The following CFAP299 variants were observed in gnomAD, a reference collection of about 807,000 sequenced individuals.
CFAP299 encodes the protein cilia- and flagella-associated protein 299.
CFAP299 carries 21 observed loss-of-function variants against 27.0 expected under a neutral mutation model. The ratio of observed to expected loss-of-function variants is 0.78; its 90% confidence interval spans 0.55 to 1.12. The LOEUF is 1.12. Ranked by LOEUF, CFAP299 falls within the 50% of genes most tolerant of loss-of-function variation. CFAP299 has a pLI of 0.00. For missense variants in CFAP299, 310 were observed against 276.6 expected (o/e 1.12, Z -0.86); for synonymous variants, 104 against 98.1 (o/e 1.06, Z -0.36).
chr4:80,398,369 C>T (rs540280031), intron 2 of CFAP299, among the ~76,000 whole-genome samples: 6 of 152,196 alleles, frequency 3.9e-5, no homozygotes, highest in South Asian at 2.1e-4. Flanking sequence ...AAAAAGAGCC[C>T]GCATTGCCAA....
At chr4:80,929,129 A>G (rs1392954951) in intron 4 of CFAP299, among the ~76,000 whole-genome samples, 1 of 152,158 alleles carries the variant, frequency 6.6e-6, no homozygotes, top group Non-Finnish European at 1.5e-5. Context: ...AAGTGGTAGT[A>G]TCAGTTCCCA....
intron 3 of CFAP299, among the ~76,000 whole-genome samples, chr4:80,601,717 A>T (rs954563824): frequency 1.3e-5 from 2 of 152,146 alleles, no homozygotes; most frequent in Admixed American, 1.3e-4. Context: ...GATCCGGGTG[A>T]GATAAGCATG....
chr4:80,705,768 G>A (rs1439027014), intron 3 of CFAP299, among the ~76,000 whole-genome samples: 1 of 151,770 alleles, frequency 6.6e-6, no homozygotes, highest in Admixed American at 6.6e-5. Context: ...TCTAACAATT[G>A]GAGACTGATG....
intron 1 of CFAP299, among the ~76,000 whole-genome samples, chr4:80,337,636 G>C (rs1390199738): frequency 6.6e-6 from 1 of 152,050 alleles, no homozygotes; most frequent in Non-Finnish European, 1.5e-5. Flanking sequence ...GACCTCAAGT[G>C]ATCCACCGGC....
chr4:80,526,778 C>T (rs1180163842), intron 2 of CFAP299, among the ~76,000 whole-genome samples: 1 of 152,128 alleles, frequency 6.6e-6, no homozygotes, highest in Non-Finnish European at 1.5e-5. Context: ...CTTTATCTCT[C>T]ATATTACATT....
intron 2 of CFAP299, among the ~76,000 whole-genome samples, chr4:80,405,471 C>A (rs1726368916): frequency 6.6e-6 from 1 of 152,078 alleles, no homozygotes; most frequent in Non-Finnish European, 1.5e-5. Flanking sequence ...TCATTAATAA[C>A]TTTTGAGGTC....
intron 3 of CFAP299, among the ~76,000 whole-genome samples, chr4:80,753,770 C>T (rs778192214): frequency 5.3e-5 from 8 of 152,048 alleles, no homozygotes; most frequent in Admixed American, 4.6e-4. Flanking sequence ...TCAAATCTAA[C>T]GAGGAACCAT....
chr4:80,661,789 T>C (rs537384227), intron 3 of CFAP299, among the ~76,000 whole-genome samples: 1 of 152,290 alleles, frequency 6.6e-6, no homozygotes, highest in East Asian at 1.9e-4. Flanking sequence ...TTCTCTTCTT[T>C]CAAAAGCAAA....
At chr4:80,937,308 C>CTTTTTTTTTTTTT (rs1736948672) in intron 4 of CFAP299, among the ~76,000 whole-genome samples, 2 of 90,818 alleles carry the variant, frequency 2.2e-5, no homozygotes, top group African/African-American at 5.1e-5. Flanking sequence ...CTTTTTTTTT[C>CTTTTTTTTTTTTT]TTTCTTTTTT....
intron 2 of CFAP299, among the ~76,000 whole-genome samples, chr4:80,576,559 A>AAT (rs1479791443): frequency 1.3e-5 from 2 of 152,178 alleles, no homozygotes; most frequent in Admixed American, 1.3e-4. Context: ...TGCAAATATA[A>AAT]ATATATACAA....
intron 3 of CFAP299, among the ~76,000 whole-genome samples, chr4:80,855,453 T>A (rs985285789): frequency 2.6e-5 from 4 of 152,262 alleles, no homozygotes; most frequent in African/African-American, 9.6e-5. Context: ...ATGTGCACAA[T>A]GTGCAGGTTA....
intron 3 of CFAP299, among the ~76,000 whole-genome samples, chr4:80,638,610 C>T (rs1739572304): frequency 6.6e-6 from 1 of 152,172 alleles, no homozygotes; most frequent in African/African-American, 2.4e-5. Context: ...AGCTACAGGT[C>T]ACAGTTTAAC....
At chr4:80,792,334 A>G (rs1471839068) in intron 3 of CFAP299, among the ~76,000 whole-genome samples, 5 of 152,026 alleles carry the variant, frequency 3.3e-5, no homozygotes, top group Non-Finnish European at 7.4e-5. Context: ...AGTATTTTGA[A>G]CTTTCTGAGT....
intron 2 of CFAP299, among the ~76,000 whole-genome samples, chr4:80,394,285 G>T (rs1291473965): frequency 1.3e-5 from 2 of 152,058 alleles, no homozygotes; most frequent in African/African-American, 4.8e-5. Flanking sequence ...TTCTAATGGG[G>T]TTGTTTGTTC....
chr4:80,889,502 C>T (rs75847546), intron 4 of CFAP299, among the ~76,000 whole-genome samples: 6,126 of 151,762 alleles, frequency 0.04, 432 homozygotes, highest in African/African-American at 0.14. Flanking sequence ...CCCAAAGAAA[C>T]GCCTGGGACC....
intron 3 of CFAP299, among the ~76,000 whole-genome samples, chr4:80,622,242 G>A (rs1211675100): frequency 4.6e-5 from 7 of 152,308 alleles, no homozygotes; most frequent in East Asian, 1.9e-4. Flanking sequence ...GTCCAGGTAA[G>A]AGGATGTGAG....
At chr4:80,438,317 C>T (rs1448638783) in intron 2 of CFAP299, among the ~76,000 whole-genome samples, 10 of 152,130 alleles carry the variant, frequency 6.6e-5, no homozygotes, top group Admixed American at 6.5e-4. Flanking sequence ...TCAGTAAATG[C>T]AAAGGCCTTG....
intron 2 of CFAP299, among the ~76,000 whole-genome samples, chr4:80,522,153 TTTTA>T (rs1015053619): frequency 5.3e-5 from 8 of 151,990 alleles, no homozygotes; most frequent in African/African-American, 1.4e-4. Flanking sequence ...TTGGTTTTTA[TTTTA>T]TTTATTTTTC....
chr4:80,601,657 T>C (rs994692947), intron 3 of CFAP299, among the ~76,000 whole-genome samples: 2 of 152,180 alleles, frequency 1.3e-5, no homozygotes, highest in Non-Finnish European at 2.9e-5. Context: ...TTGTGTATAG[T>C]GGACAATACC....
Sources: gnomAD v4.1 joint callset for allele counts (sites outside exome capture counted in the v4.1 genomes callset) on GRCh38, gnomAD v4.1.1 for gene constraint, MANE v1.5 for transcripts, NCBI Gene and HGNC (gene_info 2026-07-23, HGNC 2026-07-21) for gene names.